WDFY2: variants seen among roughly 807,000 people sequenced by gnomAD.
WDFY2 encodes the protein WD repeat and FYVE domain containing 2, also known as WD repeat and FYVE domain-containing protein 2.
Under a neutral mutation model 56.4 loss-of-function variants are expected in WDFY2, and 36 were observed. That is an observed-to-expected ratio of 0.64 (90% CI 0.49 to 0.84). WDFY2 has a LOEUF of 0.84. Ranked by LOEUF, WDFY2 falls within the 40% of genes least tolerant of loss-of-function variation. The probability of loss-of-function intolerance (pLI) is 0.00; values close to 1 mark genes in which losing one functional copy is unlikely to be tolerated. For synonymous variants in WDFY2, 176 were observed against 183.7 expected (o/e 0.96, Z 0.34); for missense variants, 444 against 512.2 (o/e 0.87, Z 1.29).
chr13:51,633,187 A>G (rs963226559), intron 1 of WDFY2, among the ~76,000 whole-genome samples: 20 of 152,202 alleles, frequency 1.3e-4, no homozygotes, highest in African/African-American at 4.8e-4. Context: ...AGAAACTCCA[A>G]CCAGCATGGC....
At chr13:51,652,539 G>T (rs985762243) in intron 1 of WDFY2, among the ~76,000 whole-genome samples, 8 of 152,194 alleles carry the variant, frequency 5.3e-5, no homozygotes, top group African/African-American at 1.9e-4. Context: ...GCAGTGGCTG[G>T]TATTGGTTGT....
intron 1 of WDFY2, among the ~76,000 whole-genome samples, chr13:51,605,980 C>T (rs1954378811): frequency 2.0e-5 from 3 of 152,188 alleles, no homozygotes; most frequent in South Asian, 4.1e-4. Context: ...AGTCTCTACT[C>T]ACTTTAAATA....
intron 1 of WDFY2, chr13:51,587,135 C>G (rs1953957344): frequency 6.6e-6 from 1 of 152,178 alleles, no homozygotes; most frequent in African/African-American, 2.4e-5. Context: ...TGTTCCATAC[C>G]TGAATGGCAG....
chr13:51,728,886 C>A (rs1347389262), intron 6 of WDFY2, among the ~76,000 whole-genome samples: 2 of 152,200 alleles, frequency 1.3e-5, no homozygotes, highest in African/African-American at 4.8e-5. Context: ...GGACCCAGAA[C>A]TGTCCCACCT....
At chr13:51,712,478 A>G (rs937836594) in intron 4 of WDFY2, among the ~76,000 whole-genome samples, 8 of 152,186 alleles carry the variant, frequency 5.3e-5, no homozygotes, top group Non-Finnish European at 1.2e-4. Flanking sequence ...ACCAGAATTT[A>G]TGGTATGATG....
At chr13:51,606,242 A>T (rs1006391361) in intron 1 of WDFY2, among the ~76,000 whole-genome samples, 1 of 152,198 alleles carries the variant, frequency 6.6e-6, no homozygotes, top group Non-Finnish European at 1.5e-5. Flanking sequence ...TCTAATTCAA[A>T]AATTTCGATT....
intron 1 of WDFY2, among the ~76,000 whole-genome samples, chr13:51,596,540 T>C (rs1200956294): frequency 6.6e-6 from 1 of 152,222 alleles, no homozygotes; most frequent in African/African-American, 2.4e-5. Flanking sequence ...ATGATTTAAA[T>C]ACAGTTTGAG....
chr13:51,691,855 T>G (rs1333708916), intron 3 of WDFY2, among the ~76,000 whole-genome samples: 1 of 152,028 alleles, frequency 6.6e-6, no homozygotes, highest in Non-Finnish European at 1.5e-5. Context: ...CATTTGTTTG[T>G]GTCCTCTTTT....
chr13:51,585,018 C>G (rs140815818), intron 1 of WDFY2, among the ~76,000 whole-genome samples, 194 bp downstream of exon 1: 1 of 152,200 alleles, frequency 6.6e-6, no homozygotes, highest in Admixed American at 6.5e-5. Context: ...GAAGCGGAGC[C>G]GGGACGGCGG....
At chr13:51,671,908 C>G (rs1955815317) in intron 2 of WDFY2, among the ~76,000 whole-genome samples, 1 of 151,590 alleles carries the variant, frequency 6.6e-6, no homozygotes, top group African/African-American at 2.4e-5. Context: ...CTCAGCCTCC[C>G]TAGTAGCTAG....
chr13:51,696,058 G>A (rs1041410659), intron 3 of WDFY2, among the ~76,000 whole-genome samples: 5 of 152,180 alleles, frequency 3.3e-5, no homozygotes, highest in East Asian at 3.9e-4. Context: ...GGAGTGACCC[G>A]ATTTTCCAGG....
At chr13:51,748,310 A>G (rs2138710403) in intron 7 of WDFY2, among the ~76,000 whole-genome samples, 1 of 152,366 alleles carries the variant, frequency 6.6e-6, no homozygotes, top group East Asian at 1.9e-4. Context: ...TTAGTGATAA[A>G]GCTGCTGCTT....
intron 7 of WDFY2, among the ~76,000 whole-genome samples, chr13:51,742,580 T>G (rs1684627152): frequency 6.6e-6 from 1 of 152,212 alleles, no homozygotes; most frequent in African/African-American, 2.4e-5. Context: ...TACTTGGTCT[T>G]TTTAGAACCC....
chr13:51,684,637 T>C (rs1489368593), intron 3 of WDFY2, among the ~76,000 whole-genome samples: 2 of 152,104 alleles, frequency 1.3e-5, no homozygotes, highest in African/African-American at 2.4e-5. Context: ...CCTCCAAATA[T>C]GCTCTTCTCT....
rs115907097 is a variant in WDFY2, at chr13:51,729,909, A to G, written c.598+2119A>G. Among the ~76,000 whole-genome samples, 848 of 152,318 alleles carry G rather than the reference A, an allele frequency of 5.6e-3. 6 individuals carry two copies. Among genetic ancestry groups the G allele is most frequent in the African/African-American group, 0.019 (794 of 41,570 alleles). On this transcript the variant is annotated intron_variant, in intron 6 of 11. Transcript: ENST00000298125. Reference sequence around the variant, plus strand: ...ACTACATTCACACTGTTGTGCAGTCATCACCATCCATCACAGAACCTTTTC... The same window carrying G: ...ACTACATTCACACTGTTGTGCAGTCGTCACCATCCATCACAGAACCTTTTC...
At chr13:51,670,463 G>C (rs1415720713) in intron 2 of WDFY2, among the ~76,000 whole-genome samples, 1 of 150,258 alleles carries the variant, frequency 6.7e-6, no homozygotes, top group East Asian at 2.0e-4. Flanking sequence ...GAGGAGCATT[G>C]TACGTCTCAC....
At chr13:51,628,073 T>C (rs780748711) in intron 1 of WDFY2, among the ~76,000 whole-genome samples, 1 of 152,210 alleles carries the variant, frequency 6.6e-6, no homozygotes, top group Non-Finnish European at 1.5e-5. Flanking sequence ...ATCCCTGTCT[T>C]GAAGGTGGGG....
At chr13:51,756,959 G>A (rs1172740226) in intron 10 of WDFY2, among the ~76,000 whole-genome samples, 1 of 152,156 alleles carries the variant, frequency 6.6e-6, no homozygotes, top group Non-Finnish European at 1.5e-5. Flanking sequence ...CCAGGACATA[G>A]GTTACTTACC....
chr13:51,754,482 C>T (rs1412731123), intron 8 of WDFY2, among the ~76,000 whole-genome samples: 1 of 152,226 alleles, frequency 6.6e-6, no homozygotes, highest in Admixed American at 6.5e-5. Context: ...TGACATCCCA[C>T]ATCCTCACCA....
Sources: gnomAD v4.1 joint callset for allele counts (sites outside exome capture counted in the v4.1 genomes callset) on GRCh38, gnomAD v4.1.1 for gene constraint, MANE v1.5 for transcripts, NCBI Gene and HGNC (gene_info 2026-07-23, HGNC 2026-07-21) for gene names.